RGS19: variants seen among roughly 807,000 people sequenced by gnomAD.
RGS19 encodes G alpha interacting protein.
In RGS19, 9 loss-of-function variants were observed where a neutral mutation model predicts 22.0. That is an observed-to-expected ratio of 0.41 (90% CI 0.25 to 0.71). The LOEUF (loss-of-function observed/expected upper bound fraction) is 0.71. Ranked by LOEUF, RGS19 falls within the 30% of genes least tolerant of loss-of-function variation. RGS19 has a pLI of 0.32. For synonymous variants in RGS19, 130 were observed against 127.3 expected (o/e 1.02, Z -0.14); for missense variants, 256 against 307.1 (o/e 0.83, Z 1.24).
chr20:64,077,935 A>G (rs1351968566), intron 1 of RGS19, among the ~76,000 whole-genome samples: 2 of 152,162 alleles, frequency 1.3e-5, no homozygotes, highest in Non-Finnish European at 2.9e-5. Flanking sequence ...ACTTCTGCCC[A>G]GGGCAGGGAG....
In RGS19 at chr20:64,073,857, G is replaced by A. The variant is rs754319326; in HGVS notation, c.650C>T (p.Ala217Val). ...GTCTGTGCTGCTGGGGGCGGCCTAG[G>A]CCTCGGAGGAGGACTGTGATGGCCC... ...LQGPSQSSSE[A>V] Residue 217 changes from alanine (A) to valine (V), a missense_variant, in exon 6 of 6, where the codon GCC becomes GTC. Coordinates refer to ENST00000395042, the MANE Select transcript of RGS19 (RefSeq NM_005873.3). 21 of 1,607,848 alleles carry A rather than the reference G, an allele frequency of 1.3e-5. No individual in the cohort carries two copies. Among genetic ancestry groups the A allele is most frequent in the East Asian group, 6.7e-5 (3 of 44,742 alleles).
rs753838770 is a variant in RGS19 at position 64,074,132 on chromosome 20, T to C, written c.462+12A>G. On this transcript the variant is annotated intron_variant, in intron 5 of 5. Transcript: ENST00000395042. ...GCAGGCGGCCCCCGGCCTGTTCTGGTGTCTGGCGCACCTCCTTGGGGGACA... is the reference window on the plus strand; with the variant it reads ...GCAGGCGGCCCCCGGCCTGTTCTGGCGTCTGGCGCACCTCCTTGGGGGACA... 3.7e-6 allele frequency: 6 copies of C among 1,610,218 alleles called. No individual in the cohort carries two copies. The South Asian group carries it at 6.6e-5, about 18-fold the overall frequency.
rs1021818387 is a variant in RGS19, at chr20:64,075,643, C to A, written c.152+882G>T. ...AGGCTTCTGCAAGGTGTGAAAACAT[C>A]CACCAGCTCCCCTACACTCCTAGGA... is the stretch of plus-strand genomic sequence containing the variant. On this transcript the variant is annotated intron_variant, in intron 3 of 5. Transcript: ENST00000395042. This position sits in a 1 kb window ranked among gnomAD's most constrained non-coding sequence, Gnocchi z 4.6. Among the ~76,000 whole-genome samples, 3 of 152,102 alleles carry A rather than the reference C, an allele frequency of 2.0e-5. No homozygotes were observed. Among genetic ancestry groups the A allele is most frequent in the Non-Finnish European group, 4.4e-5 (3 of 68,010 alleles).
In RGS19 at chr20:64,079,131, G is replaced by A. The variant is rs1025920059; in HGVS notation, c.-69+163C>T. Among the ~76,000 whole-genome samples the A allele has an allele frequency of 6.6e-6, 1 of 152,006 alleles. No homozygotes were observed. Among genetic ancestry groups the A allele is most frequent in the Non-Finnish European group, 1.5e-5 (1 of 67,948 alleles). Reference sequence around the variant, plus strand: ...GCGAGCCCTGGCCTGGCCCCTCCAGGGAAGGCCAGCTCTCCCCACCTCTGA... The same window carrying A: ...GCGAGCCCTGGCCTGGCCCCTCCAGAGAAGGCCAGCTCTCCCCACCTCTGA... On this transcript the variant is annotated intron_variant, in intron 1 of 5. Transcript: ENST00000395042. The surrounding 1 kb of genome is among the most constrained non-coding windows in gnomAD (Gnocchi z 5.1).
chr20:64,074,266 C>G lies in RGS19; in HGVS notation c.340G>C (p.Glu114Gln). ...GCCAACCAGAAGAGCATGTTCTCCT[C>G]GCTGTACTCTGTCCGCAGGAACGCC... ...FRAFLRTEYS[E>Q]ENMLFWLACE... Residue 114 changes from glutamate to glutamine, a missense_variant, in exon 5 of 6, where the codon GAG becomes CAG. Physicochemically the swap from Glu to Gln is conservative, Grantham distance 29. Coordinates refer to ENST00000395042, the MANE Select transcript of RGS19 (RefSeq NM_005873.3). The G allele has an allele frequency of 6.2e-7, 1 of 1,613,708 alleles. No individual in the cohort carries two copies. Among genetic ancestry groups the G allele is most frequent in the Non-Finnish European group, 8.5e-7 (1 of 1,180,032 alleles).
intron 4 of RGS19, 42 bp from the exon 5 acceptor site, chr20:64,074,420 C>T (rs371665956): frequency 3.7e-5 from 58 of 1,575,616 alleles, no homozygotes; most frequent in Non-Finnish European, 4.7e-5. Context: ...CCGAGTCTCC[C>T]GGTCTGGGGC....
intron 1 of RGS19, 192 bp from the exon 2 acceptor site, chr20:64,077,146 G>A (rs1185445774): frequency 4.9e-6 from 2 of 406,586 alleles, no homozygotes; most frequent in Non-Finnish European, 8.7e-6. Context: ...CATTGAGGAG[G>A]GAGCTGCAGC....
At chr20:64,077,456 A>T (rs1309412196) in intron 1 of RGS19, among the ~76,000 whole-genome samples, 1 of 151,726 alleles carries the variant, frequency 6.6e-6, no homozygotes, top group Non-Finnish European at 1.5e-5. Context: ...AGCAGGCTAG[A>T]CCTGCAGCAG....
At position 64,076,662 on chromosome 20, in the gene RGS19, G is replaced by A. The variant is rs1174981807; in HGVS notation, c.31-16C>T. On this transcript the variant is annotated splice_polypyrimidine_tract_variant and intron_variant, in intron 2 of 5. Transcript: ENST00000395042. ...GCCCTGTGATCTGGGGAAAAGTGGG[G>A]CTACCTCAGCTTTCAGGTCAGAACC... The A allele has an allele frequency of 3.8e-6, 6 of 1,589,232 alleles. No homozygotes were observed. Among genetic ancestry groups the A allele is most frequent in the Non-Finnish European group, 4.3e-6 (5 of 1,166,856 alleles).
chr20:64,073,286 G>A lies in RGS19; in HGVS notation c.*567C>T, dbSNP rs1171064163. ...TTGATAAAACACCTAGTAAGGACAT[G>A]TTTCCAGGTTTAAAGTTCATGAACA... On this transcript the variant is annotated 3_prime_UTR_variant, in exon 6 of 6. Transcript: ENST00000395042. The A allele has an allele frequency of 6.6e-6, 1 of 152,322 alleles. No individual in the cohort carries two copies. Among genetic ancestry groups the A allele is most frequent in the Admixed American group, 6.5e-5 (1 of 15,288 alleles). 9.4% of individuals were successfully genotyped at this position (152,322 alleles called of 1,614,324 possible).
At position 64,075,692 on chromosome 20, in the gene RGS19, C is replaced by G. The variant is rs2059899481; in HGVS notation, c.152+833G>C. On this transcript the variant is annotated intron_variant, in intron 3 of 5. Coordinates refer to ENST00000395042, the MANE Select transcript of RGS19 (RefSeq NM_005873.3). The surrounding 1 kb of genome is among the most constrained non-coding windows in gnomAD (Gnocchi z 4.6). ...GAAATCTGTTACCATCTGGGAGCCC[C>G]ACTCCCACCCTCACAGGGATGCCCA... Among the ~76,000 whole-genome samples, 1 of 152,164 alleles carries G rather than the reference C, an allele frequency of 6.6e-6. No homozygotes were observed. Among genetic ancestry groups the G allele is most frequent in the Non-Finnish European group, 1.5e-5 (1 of 68,022 alleles).
intron 1 of RGS19, 112 bp from the exon 2 acceptor site, chr20:64,077,066 G>A: frequency 1.8e-6 from 1 of 566,128 alleles, no homozygotes; most frequent in Non-Finnish European, 3.0e-6. Flanking sequence ...TCCTGCCTCT[G>A]GACCCAGCTC....
In RGS19 at chr20:64,074,467, C is replaced by T; in HGVS notation, c.227G>A (p.Cys76Tyr). The T allele has an allele frequency of 6.3e-7, 1 of 1,585,508 alleles. No homozygotes were observed. The highest frequency in any genetic ancestry group is 8.6e-7 in the Non-Finnish European group (1 of 1,166,474). ...KLQPLPSCEVCATPSPEEVQS... is the reference protein window; with the variant it reads ...KLQPLPSCEVYATPSPEEVQS... Reference sequence around the variant, plus strand: ...GCACACACCAGCCGGCTGGACTCACCATACTTCACAGCTGGGGAGGGGCTG... The same window carrying T: ...GCACACACCAGCCGGCTGGACTCACTATACTTCACAGCTGGGGAGGGGCTG... Residue 76 changes from cysteine to tyrosine, a missense_variant and splice_region_variant, in exon 4 of 6, where the codon TGT (cysteine) becomes TAT (tyrosine). Physicochemically the swap from Cys to Tyr is radical, Grantham distance 194 (BLOSUM62 -2). Transcript: ENST00000395042.
chr20:64,079,811 T>C (rs1472271499), upstream of RGS19: 2 of 149,672 alleles, frequency 1.3e-5, no homozygotes, highest in African/African-American at 2.4e-5. This position sits in a 1 kb window ranked among gnomAD's most constrained non-coding sequence, Gnocchi z 5.1. Flanking sequence ...CCCAGCACGG[T>C]CCCCGGGCCC....
Position 64,076,520 on chromosome 20 carries a change from C to G in RGS19, c.152+5G>C. 1 of 1,612,864 alleles carries G rather than the reference C, an allele frequency of 6.2e-7. No homozygotes were observed. The highest frequency in any genetic ancestry group is 8.5e-7 in the Non-Finnish European group (1 of 1,179,902). ...CGCCAGCTGGGCACCCCAGGCCCTA[C>G]TCACCAGGAGCAGCTACAGCAGCAG... On this transcript the variant is annotated splice_donor_5th_base_variant and intron_variant, in intron 3 of 5. Coordinates refer to ENST00000395042, the MANE Select transcript of RGS19 (RefSeq NM_005873.3).
intron 1 of RGS19, 39 bp from the exon 2 acceptor site, chr20:64,076,993 A>C: frequency 9.1e-7 from 1 of 1,101,966 alleles, no homozygotes; most frequent in Non-Finnish European, 1.2e-6. Context: ...AGAACCTGAA[A>C]CCCCAGCCCC....
At chr20:64,079,896 C>A (rs1300171179), upstream of RGS19, 1 of 149,022 alleles carries the variant, frequency 6.7e-6, no homozygotes, top group Non-Finnish European at 1.5e-5. This position sits in a 1 kb window ranked among gnomAD's most constrained non-coding sequence, Gnocchi z 5.1. Context: ...GAGCCACTCG[C>A]GCCGCCGCCG....
Position 64,074,499 on chromosome 20 carries a change from G to T in RGS19, c.195C>A (p.Ser65Arg), listed in dbSNP as rs1444835263. 1 of 1,581,156 alleles carries T rather than the reference G, an allele frequency of 6.3e-7. No homozygotes were observed. The part of the protein sequence containing the change: ...RRRAWQASRE[S>R]KLQPLPSCEV... ...CACAGCTGGGGAGGGGCTGCAGCTTGCTCTCCCGGGAGGCCTGCCACGCGC... is the reference window on the plus strand; with the variant it reads ...CACAGCTGGGGAGGGGCTGCAGCTTTCTCTCCCGGGAGGCCTGCCACGCGC... The change falls in exon 4 of 6, where the codon AGC becomes AGA. Residue 65 changes from serine to arginine, a missense_variant. Ser to Arg is a moderately radical substitution (Grantham distance 110, BLOSUM62 -1). Coordinates refer to ENST00000395042, the MANE Select transcript of RGS19 (RefSeq NM_005873.3).
rs759410955 is a variant in RGS19, at chr20:64,074,502, C to T, written c.192G>A (p.Glu64=). 26 of 1,580,486 alleles carry T rather than the reference C, an allele frequency of 1.6e-5. No homozygotes were observed. The Admixed American group carries it at 4.4e-4, about 26-fold the overall frequency. ...ERRRAWQASR[E]SKLQPLPSCE... is the part of the protein sequence containing the mutation. ...AGCTGGGGAGGGGCTGCAGCTTGCT[C>T]TCCCGGGAGGCCTGCCACGCGCGCC... Residue 64 remains glutamate (E), a synonymous_variant, in exon 4 of 6, where the codon GAG becomes GAA. Coordinates refer to ENST00000395042, the MANE Select transcript of RGS19 (RefSeq NM_005873.3).
Sources: gnomAD v4.1 joint callset for allele counts (sites outside exome capture counted in the v4.1 genomes callset) on GRCh38, gnomAD v4.1.1 for gene constraint, Gnocchi (gnomAD v3.1) non-coding constraint, MANE v1.5 for transcripts, NCBI Gene and HGNC (gene_info 2026-07-23, HGNC 2026-07-21) for gene names.